Variants in PGBD5 observed in about 807,000 individuals in gnomAD.
The protein encoded by PGBD5 is piggyBac transposable element-derived protein 5.
PGBD5 carries 14 observed loss-of-function variants against 47.9 expected under a neutral mutation model. That is an observed-to-expected ratio of 0.29 (90% CI 0.19 to 0.46). The LOEUF (loss-of-function observed/expected upper bound fraction) is 0.46, where lower values mean the gene tolerates loss of function less well. Among genes scored for constraint, PGBD5 ranks in the 20% least tolerant of loss-of-function variants. The pLI is 1.00. For missense variants in PGBD5, 635 were observed against 716.0 expected, an observed-to-expected ratio of 0.89 and a Z score of 1.29; for synonymous variants, 316 against 306.3, an observed-to-expected ratio of 1.03 and a Z score of -0.33.
intron 3 of PGBD5, among the ~76,000 whole-genome samples, chr1:230,348,792 A>G (rs570793646): frequency 1.0e-4 from 12 of 119,778 alleles, no homozygotes; most frequent in Admixed American, 3.8e-4. Flanking sequence ...AAAGAGAGGG[A>G]CTGCGGGGGC....
At chr1:230,347,308 T>C (rs1432337725) in intron 3 of PGBD5, among the ~76,000 whole-genome samples, 2 of 152,050 alleles carry the variant, frequency 1.3e-5, no homozygotes, top group African/African-American at 4.8e-5. Flanking sequence ...GGCAGAGGTA[T>C]TTATTTTAAG....
chr1:230,422,921 T>A (rs1447120051), intron 1 of PGBD5, among the ~76,000 whole-genome samples: 2 of 151,754 alleles, frequency 1.3e-5, no homozygotes, highest in African/African-American at 4.8e-5. Flanking sequence ...TGGGGGGATG[T>A]GGCAACTCCG....
intron 5 of PGBD5, among the ~76,000 whole-genome samples, chr1:230,329,343 T>TA (rs762321365): frequency 6.1e-4 from 92 of 151,448 alleles, no homozygotes; most frequent in Non-Finnish European, 1.1e-3. Flanking sequence ...GAATCTGGAG[T>TA]AAAAAAAAAT....
intron 1 of PGBD5, chr1:230,362,153 G>A: frequency 1.6e-6 from 2 of 1,212,976 alleles, no homozygotes; most frequent in Non-Finnish European, 2.1e-6. Context: ...ACGTGACCAT[G>A]CTCTTGCAAC....
At chr1:230,375,810 G>A (rs1558204268) in intron 1 of PGBD5, among the ~76,000 whole-genome samples, 2 of 151,370 alleles carry the variant, frequency 1.3e-5, no homozygotes, top group Non-Finnish European at 1.5e-5. Context: ...TTCTACAGTT[G>A]TTTTTTTTGT....
intron 1 of PGBD5, among the ~76,000 whole-genome samples, chr1:230,394,326 TG>T (rs2102734782): frequency 6.6e-6 from 1 of 151,566 alleles, no homozygotes; most frequent in East Asian, 2.0e-4. Flanking sequence ...GCTACAGGAG[TG>T]GCGGTTTTCG....
chr1:230,393,152 G>A (rs766750045), intron 1 of PGBD5, among the ~76,000 whole-genome samples: 1 of 135,628 alleles, frequency 7.4e-6, no homozygotes, highest in African/African-American at 2.7e-5. Context: ...AAGAAGAGGA[G>A]GAAGGAAAAA....
chr1:230,331,902 G>T (rs74912404), intron 5 of PGBD5, among the ~76,000 whole-genome samples: 1 of 151,164 alleles, frequency 6.6e-6, no homozygotes, highest in Non-Finnish European at 1.5e-5. Flanking sequence ...TCCCTTGATC[G>T]CAATCTCCAC....
At chr1:230,369,493 G>A (rs1667894902) in intron 1 of PGBD5, among the ~76,000 whole-genome samples, 1 of 152,140 alleles carries the variant, frequency 6.6e-6, no homozygotes, top group South Asian at 2.1e-4. Flanking sequence ...TGGAATCACT[G>A]GTGCAATCCA....
In PGBD5 at chr1:230,323,303, G is replaced by T; in HGVS notation, c.*122C>A. The T allele has an allele frequency of 8.7e-7, 1 of 1,145,232 alleles. No individual in the cohort carries two copies. Among genetic ancestry groups the T allele is most frequent in the Non-Finnish European group, 1.2e-6 (1 of 818,088 alleles). The allele number at this position is 1,145,232 out of a possible 1,614,324, so 70.9% of individuals were successfully genotyped here. A position where few individuals can be genotyped will look rare whatever the true frequency, so the allele number is the denominator to read the frequency against. ...CATCCTGTCCCTCCAGAGGCCCTGTGCATCCCTCCCAGGCAGCAAGCCACA... is the reference window on the plus strand; with the variant it reads ...CATCCTGTCCCTCCAGAGGCCCTGTTCATCCCTCCCAGGCAGCAAGCCACA... On this transcript the variant is annotated 3_prime_UTR_variant, in exon 7 of 7. Transcript: ENST00000391860. The surrounding 1 kb of genome is among the most constrained non-coding windows in gnomAD (Gnocchi z 4.1).
intron 1 of PGBD5, among the ~76,000 whole-genome samples, chr1:230,359,487 A>G (rs1209795009): frequency 1.3e-5 from 2 of 152,192 alleles, no homozygotes; most frequent in African/African-American, 4.8e-5. Flanking sequence ...AAAAATTAAG[A>G]GAGATAATGT....
At chr1:230,422,156 G>A (rs1657662836) in intron 1 of PGBD5, among the ~76,000 whole-genome samples, 1 of 151,538 alleles carries the variant, frequency 6.6e-6, no homozygotes, top group South Asian at 2.1e-4. Context: ...CTTCTATGAA[G>A]TCTAACCTCT....
chr1:230,331,265 C>T (rs1460162237), intron 5 of PGBD5, among the ~76,000 whole-genome samples: 1 of 151,874 alleles, frequency 6.6e-6, no homozygotes, highest in African/African-American at 2.4e-5. Context: ...TACAAAAAAA[C>T]ATTAGCCGGG....
intron 1 of PGBD5, chr1:230,377,397 T>C (rs1310095642): frequency 3.8e-6 from 5 of 1,312,498 alleles, no homozygotes; most frequent in Non-Finnish European, 5.4e-6. Flanking sequence ...AAATCCTTCA[T>C]AAAGGCAGAA....
At chr1:230,423,341 G>A (rs1326874790) in intron 1 of PGBD5, among the ~76,000 whole-genome samples, 3 of 152,176 alleles carry the variant, frequency 2.0e-5, no homozygotes, top group Non-Finnish European at 4.4e-5. Flanking sequence ...TTAATAAACA[G>A]GGAACAAAGA....
chr1:230,350,072 G>A (rs910378647), intron 3 of PGBD5, among the ~76,000 whole-genome samples: 5 of 152,244 alleles, frequency 3.3e-5, no homozygotes, highest in Admixed American at 2.6e-4. Context: ...TGTAGTTCAG[G>A]GAAAGATGGA....
intron 1 of PGBD5, among the ~76,000 whole-genome samples, chr1:230,421,837 A>T (rs1205785412): frequency 6.6e-6 from 1 of 152,214 alleles, no homozygotes; most frequent in Non-Finnish European, 1.5e-5. Context: ...GCAGCTTCTT[A>T]TACTTAACAC....
At chr1:230,375,022 C>T (rs993100524) in intron 1 of PGBD5, among the ~76,000 whole-genome samples, 2 of 152,190 alleles carry the variant, frequency 1.3e-5, no homozygotes, top group Admixed American at 6.5e-5. Context: ...TCTCTTCATA[C>T]GTTTCCAAAG....
intron 1 of PGBD5, among the ~76,000 whole-genome samples, chr1:230,372,363 G>A (rs763766178): frequency 6.6e-6 from 1 of 152,166 alleles, no homozygotes; most frequent in Admixed American, 6.5e-5. Context: ...TAACACAACC[G>A]TTCTTGATCT....
Sources: gnomAD v4.1 joint callset for allele counts (sites outside exome capture counted in the v4.1 genomes callset) on GRCh38, gnomAD v4.1.1 for gene constraint, Gnocchi (gnomAD v3.1) non-coding constraint, MANE v1.5 for transcripts, NCBI Gene and HGNC (gene_info 2026-07-23, HGNC 2026-07-21) for gene names.